Variants in SULF1 observed in about 807,000 individuals in gnomAD.
The protein encoded by SULF1 is extracellular sulfatase Sulf-1.
In SULF1, 46 loss-of-function variants were observed where a neutral mutation model predicts 110.5. That is an observed-to-expected ratio of 0.42 (90% CI 0.33 to 0.53). The LOEUF is 0.53. Among genes scored for constraint, SULF1 ranks in the 20% least tolerant of loss-of-function variants. SULF1 has a pLI of 0.12. For missense variants in SULF1, 941 were observed against 1,094.2 expected, an observed-to-expected ratio of 0.86 and a Z score of 1.98; for synonymous variants, 371 against 387.1, an observed-to-expected ratio of 0.96 and a Z score of 0.49.
intron 1 of SULF1, among the ~76,000 whole-genome samples, chr8:69,473,019 T>A (rs1809150348): frequency 6.6e-6 from 1 of 152,068 alleles, no homozygotes; most frequent in South Asian, 2.1e-4. Flanking sequence ...ATTTTTAATT[T>A]TTTAGAGACT....
chr8:69,644,774 A>T (rs1811761551), intron 22 of SULF1, among the ~76,000 whole-genome samples: 1 of 151,846 alleles, frequency 6.6e-6, no homozygotes, highest in African/African-American at 2.4e-5. Flanking sequence ...AAAAAAAAAA[A>T]AAAAAAGAAT....
chr8:69,656,322 TA>T (rs1300404461), intron 22 of SULF1, among the ~76,000 whole-genome samples: 1 of 152,254 alleles, frequency 6.6e-6, no homozygotes, highest in East Asian at 1.9e-4. Context: ...TTGTTTATTT[TA>T]TTTTTTTAAG....
intron 3 of SULF1, among the ~76,000 whole-genome samples, chr8:69,532,442 C>T (rs1275646351): frequency 2.6e-5 from 4 of 151,958 alleles, no homozygotes; most frequent in Non-Finnish European, 5.9e-5. Context: ...TTGTGAGAAA[C>T]AGGTCACTAA....
At chr8:69,617,205 C>T (rs1467539059) in intron 13 of SULF1, among the ~76,000 whole-genome samples, 1 of 151,048 alleles carries the variant, frequency 6.6e-6, no homozygotes, top group Non-Finnish European at 1.5e-5. Context: ...GTTTCTGAGC[C>T]CAGGCTGTAG....
At chr8:69,503,056 C>G (rs570415268) in intron 3 of SULF1, among the ~76,000 whole-genome samples, 1 of 152,300 alleles carries the variant, frequency 6.6e-6, no homozygotes, top group East Asian at 1.9e-4. Flanking sequence ...ATCACCAAAA[C>G]TTTCATGAAC....
rs147273173 is a variant in SULF1, at chr8:69,583,951, G to A, written c.413-2406G>A. Among the ~76,000 whole-genome samples, 213 of 152,296 alleles carry A rather than the reference G, an allele frequency of 1.4e-3. 1 individual carries two copies. The highest frequency in any genetic ancestry group is 4.8e-3 in the African/African-American group (200 of 41,562). On this transcript the variant is annotated intron_variant, in intron 6 of 22. Coordinates refer to ENST00000402687, the MANE Select transcript of SULF1 (RefSeq NM_001128205.2). ...AGAATTGCACAAGCAAAAATAGAGA[G>A]GTGGGAACCAGAGAGCAAATAGAGG...
Position 69,501,871 on chromosome 8 carries a change from T to C in SULF1, c.-228-3T>C, listed in dbSNP as rs146795345. 25 of 152,360 alleles carry C rather than the reference T, an allele frequency of 1.6e-4. No individual in the cohort carries two copies. Among genetic ancestry groups the C allele is most frequent in the African/African-American group, 6.0e-4 (25 of 41,592 alleles). 9.4% of individuals were successfully genotyped at this position (152,360 alleles called of 1,614,324 possible). On this transcript the variant is annotated splice_region_variant and splice_polypyrimidine_tract_variant and intron_variant, in intron 2 of 22. Coordinates refer to ENST00000402687, the MANE Select transcript of SULF1 (RefSeq NM_001128205.2). ...ATGGCAATTTTGCTCTTTTCCATCG[T>C]AGGTGCTGACGGCCACCCACCATCA...
At chr8:69,631,398 A>C (rs916845984) in intron 19 of SULF1, among the ~76,000 whole-genome samples, 1 of 152,104 alleles carries the variant, frequency 6.6e-6, no homozygotes, top group Non-Finnish European at 1.5e-5. Context: ...TCACCAGTCC[A>C]TCCTGCTCAG....
intron 6 of SULF1, among the ~76,000 whole-genome samples, chr8:69,581,241 C>CT (rs1180482819): frequency 6.6e-6 from 1 of 152,170 alleles, no homozygotes; most frequent in African/African-American, 2.4e-5. Flanking sequence ...CACCCTAAGT[C>CT]TATCAATTAC....
intron 9 of SULF1, among the ~76,000 whole-genome samples, chr8:69,601,291 T>C (rs1743792094): frequency 6.6e-6 from 1 of 152,238 alleles, no homozygotes; most frequent in Admixed American, 6.5e-5. Context: ...AGCAGCCTGT[T>C]TTTAACCCTT....
intron 19 of SULF1, among the ~76,000 whole-genome samples, chr8:69,632,365 A>G (rs562908604): frequency 6.6e-6 from 1 of 152,344 alleles, no homozygotes; most frequent in Non-Finnish European, 1.5e-5. Context: ...ATGTGCACAT[A>G]CACAAGTATA....
intron 6 of SULF1, among the ~76,000 whole-genome samples, chr8:69,586,029 T>C (rs1806433228): frequency 6.6e-6 from 1 of 152,238 alleles, no homozygotes; most frequent in Non-Finnish European, 1.5e-5. Flanking sequence ...CTCTGATTGT[T>C]CCATCAACTT....
intron 8 of SULF1, 82 bp downstream of exon 8, chr8:69,589,223 T>G: frequency 7.3e-7 from 1 of 1,367,294 alleles, no homozygotes; most frequent in Non-Finnish European, 1.0e-6. Flanking sequence ...TTTACCCCGT[T>G]TCCTTCCACC....
At chr8:69,548,349 T>C (rs1156264380) in intron 3 of SULF1, among the ~76,000 whole-genome samples, 1 of 152,202 alleles carries the variant, frequency 6.6e-6, no homozygotes, top group East Asian at 1.9e-4. Context: ...TCAAACAATG[T>C]TGATCTGGTG....
rs773675046 is a variant in SULF1, at chr8:69,623,991, C to T, written c.1644C>T (p.Val548=). 8 of 1,614,126 alleles carry T rather than the reference C, an allele frequency of 5.0e-6. No individual in the cohort carries two copies. The highest frequency in any genetic ancestry group is 3.3e-5 in the Admixed American group (2 of 60,022). Residue 548 remains valine (V), a synonymous_variant, in exon 15 of 23, where the codon GTC becomes GTT. Transcript: ENST00000402687. ...VHTRQTRSLS[V]EFEGEIYDIN... ...CTCGGCAGACACGTTCCTTGTCCGT[C>T]GAATTTGAAGGTGAAATATATGACA...
At chr8:69,640,909 C>T in intron 22 of SULF1, 68 bp downstream of exon 22, 1 of 1,500,276 alleles carries the variant, frequency 6.7e-7, no homozygotes, top group East Asian at 2.3e-5. Context: ...GTGGTTTCAA[C>T]TAATTTCTGT....
chr8:69,497,756 C>T (rs777135469), intron 2 of SULF1, among the ~76,000 whole-genome samples: 20 of 152,014 alleles, frequency 1.3e-4, no homozygotes, highest in Non-Finnish European at 2.6e-4. Flanking sequence ...TTCTGAACAA[C>T]GGGGACAACC....
At chr8:69,583,515 A>T (rs150367539) in intron 6 of SULF1, among the ~76,000 whole-genome samples, 1,612 of 151,326 alleles carry the variant, frequency 0.011, 33 homozygotes, top group African/African-American at 0.037. Flanking sequence ...CAGAGGTTGC[A>T]GTGAGCCGAG....
In SULF1 at chr8:69,538,926, T is replaced by G. The variant is rs184040993; in HGVS notation, c.-133-24613T>G. Reference sequence around the variant, plus strand: ...CAAGCTGGTCTCGAACTGCTGACCTTGTGATCTGCCGGCTTCGGCCTCCCA... The same window carrying G: ...CAAGCTGGTCTCGAACTGCTGACCTGGTGATCTGCCGGCTTCGGCCTCCCA... On this transcript the variant is annotated intron_variant, in intron 3 of 22. Coordinates refer to ENST00000402687, the MANE Select transcript of SULF1 (RefSeq NM_001128205.2). Among the ~76,000 whole-genome samples, 15 of 152,248 alleles carry G rather than the reference T, an allele frequency of 9.9e-5. No homozygotes were observed. In the East Asian group the frequency reaches 2.9e-3, roughly 30 times the overall value.
Sources: gnomAD v4.1 joint callset for allele counts (sites outside exome capture counted in the v4.1 genomes callset) on GRCh38, gnomAD v4.1.1 for gene constraint, MANE v1.5 for transcripts, NCBI Gene and HGNC (gene_info 2026-07-23, HGNC 2026-07-21) for gene names.